Variants in PCNT observed in about 807,000 individuals in gnomAD.
PCNT encodes pericentrin, also known as kendrin.
Under a neutral mutation model 380.4 loss-of-function variants are expected in PCNT, and 319 were observed. The observed-to-expected ratio is 0.84, with a 90% confidence interval of 0.77 to 0.92. The LOEUF (loss-of-function observed/expected upper bound fraction) is 0.92. PCNT is among the 40% of genes least tolerant of loss of function. The probability of loss-of-function intolerance (pLI) is 0.00; values close to 1 mark genes in which losing one functional copy is unlikely to be tolerated. For missense variants in PCNT, 4,400 were observed against 4,255.3 expected (o/e 1.03, Z -0.95); for synonymous variants, 1,845 against 1,735.2 (o/e 1.06, Z -1.57).
chr21:46,388,656 C>T lies in PCNT; in HGVS notation c.3465-86C>T, dbSNP rs1281248092. On this transcript the variant is annotated intron_variant, in intron 17 of 46. Coordinates refer to ENST00000359568, the MANE Select transcript of PCNT (RefSeq NM_006031.6). The surrounding 1 kb of genome is among the most constrained non-coding windows in gnomAD (Gnocchi z 4.2). ...GCAGCCGTGGGCCGAGGTGTGCAAA[C>T]TGGTGGGCGGCCCCTCAGCAGCATC... The T allele has an allele frequency of 1.9e-6, 3 of 1,556,280 alleles. No homozygotes were observed. Among genetic ancestry groups the T allele is most frequent in the Admixed American group, 3.3e-5 (2 of 59,960 alleles).
At chr21:46,374,254 A>G (rs1307329139) in intron 15 of PCNT, among the ~76,000 whole-genome samples, 1 of 152,084 alleles carries the variant, frequency 6.6e-6, no homozygotes, top group Non-Finnish European at 1.5e-5. Flanking sequence ...TTAGAAGCAA[A>G]TCCAAGACAC....
At chr21:46,349,629 G>A (rs1159114762) in intron 7 of PCNT, 55 bp from the exon 8 acceptor site, 30 of 1,578,084 alleles carry the variant, frequency 1.9e-5, no homozygotes, top group Non-Finnish European at 1.9e-5. Flanking sequence ...CACTGAGGTC[G>A]CTGTTGAGGA....
chr21:46,444,554 C>T (rs1300254242), intron 45 of PCNT, 140 bp from the exon 46 acceptor site: 4 of 820,106 alleles, frequency 4.9e-6, no homozygotes, highest in African/African-American at 3.4e-5. Flanking sequence ...AAGGAAACGG[C>T]CCCAGAGTCA....
rs367720344 is a variant in PCNT, at chr21:46,353,995, G to T, written c.1688G>T (p.Cys563Phe). The T allele has an allele frequency of 1.2e-6, 2 of 1,613,748 alleles. No homozygotes were observed. Among genetic ancestry groups the T allele is most frequent in the Non-Finnish European group, 1.7e-6 (2 of 1,179,628 alleles). ...AAATGTTTTCCCTTCAGGTTGTCCT[G>T]TGTGGGTTTAGAAGAGAAACCTGAG... is the stretch of plus-strand genomic sequence containing the variant. ...LLDSVEVGLS[C>F]VGLEEKPEKG... The change falls in exon 11 of 47, where the codon TGT becomes TTT. Residue 563 changes from cysteine to phenylalanine, a missense_variant. By Grantham distance (205) the Cys-to-Phe change is radical (BLOSUM62 -2). Transcript: ENST00000359568.
Position 46,432,119 on chromosome 21 carries a change from A to G in PCNT, c.8655A>G (p.Gln2885=). ...AGTCACACCCACGGTTGAAAGAGCA[A>G]GAAGGACGCAAGGCTGCGAGGAGGA... ...LEQSHPRLKE[Q]EGRKAARRSA... Residue 2885 remains glutamine, a synonymous_variant, in exon 38 of 47, where the codon CAA becomes CAG. Coordinates refer to ENST00000359568, the MANE Select transcript of PCNT (RefSeq NM_006031.6). 2.5e-6 allele frequency: 4 copies of G among 1,614,118 alleles called. No individual in the cohort carries two copies. The highest frequency in any genetic ancestry group is 2.2e-5 in the East Asian group (1 of 44,892).
rs757706194 is a variant in PCNT at position 46,438,345 on chromosome 21, T to G, written c.9273+8T>G. 1 of 1,613,316 alleles carries G rather than the reference T, an allele frequency of 6.2e-7. No individual in the cohort carries two copies. The highest frequency in any genetic ancestry group is 8.5e-7 in the Non-Finnish European group (1 of 1,179,424). ...AAGGGCTGCAGCCCAAGCGTAGGTG[T>G]CTGTGCTTAACTCTTACCTGCCTCA... On this transcript the variant is annotated splice_region_variant and intron_variant, in intron 41 of 46. Transcript: ENST00000359568.
intron 35 of PCNT, 150 bp from the exon 36 acceptor site, chr21:46,429,860 A>G (rs1048688571): frequency 1.2e-5 from 8 of 658,600 alleles, no homozygotes; most frequent in Non-Finnish European, 2.2e-5. Flanking sequence ...TCCTGGTTCC[A>G]CCCGCAGTGA....
chr21:46,346,933 A>G lies in PCNT; in HGVS notation c.911A>G (p.Glu304Gly), dbSNP rs369273213. The G allele has an allele frequency of 6.3e-7, 1 of 1,599,158 alleles. No homozygotes were observed. Among genetic ancestry groups the G allele is most frequent in the Non-Finnish European group, 8.5e-7 (1 of 1,174,476 alleles). The change falls in exon 5 of 47, where the codon GAG becomes GGG. Residue 304 changes from glutamate to glycine, a missense_variant. By Grantham distance (98) the Glu-to-Gly change is moderately conservative. Transcript: ENST00000359568. ...CAGAGCAGGCAGCAGCACGAGCTGG[A>G]GCTCCTCAGGGAGCAGCACGCACGG... Reference protein sequence around the residue: ...LLQSRQQHELELLREQHAREK... With the variant: ...LLQSRQQHELGLLREQHAREK...
intron 9 of PCNT, among the ~76,000 whole-genome samples, 164 bp from the exon 10 acceptor site, chr21:46,352,940 C>T (rs1487193696): frequency 6.6e-6 from 1 of 152,206 alleles, no homozygotes; most frequent in Non-Finnish European, 1.5e-5. Flanking sequence ...CATTCAGGGG[C>T]GTACGAGAGT....
chr21:46,369,481 C>T (rs1157054535), intron 15 of PCNT, among the ~76,000 whole-genome samples: 5 of 152,256 alleles, frequency 3.3e-5, no homozygotes, highest in Non-Finnish European at 7.3e-5. Context: ...CCTCAGATGC[C>T]AGCTTCAGTT....
intron 31 of PCNT, 143 bp from the exon 32 acceptor site, chr21:46,421,827 A>G: frequency 1.1e-6 from 1 of 904,794 alleles, no homozygotes; most frequent in Non-Finnish European, 1.7e-6. Context: ...TGGGGCCATC[A>G]GTGTTTTCTC....
intron 29 of PCNT, among the ~76,000 whole-genome samples, chr21:46,413,469 G>A (rs149757932): frequency 2.0e-4 from 31 of 152,360 alleles, no homozygotes; most frequent in Admixed American, 1.1e-3. Context: ...GTCCGTGCCT[G>A]CAGTGACATG....
chr21:46,437,434 G>T (rs2053491864), intron 40 of PCNT, among the ~76,000 whole-genome samples: 1 of 152,248 alleles, frequency 6.6e-6, no homozygotes, highest in Non-Finnish European at 1.5e-5. Flanking sequence ...TGGACACATT[G>T]CAGGTCGCTG....
chr21:46,436,081 G>T lies in PCNT; in HGVS notation c.8929G>T (p.Ala2977Ser). ...CCGGGAACAGCAGCGAGAGCTGGAG[G>T]CGATGAGGCAGCGGCTGCTCTCTGC... ...HLREQQRELE[A>S]MRQRLLSAAR... Residue 2977 changes from alanine (A) to serine (S), a missense_variant, in exon 39 of 47, where the codon GCG becomes TCG. By Grantham distance (99) the Ala-to-Ser change is moderately conservative. Transcript: ENST00000359568. 6.2e-7 allele frequency: 1 copy of T among 1,612,890 alleles called. No individual in the cohort carries two copies. The highest frequency in any genetic ancestry group is 8.5e-7 in the Non-Finnish European group (1 of 1,179,944).
rs141583342 is a variant in PCNT at position 46,428,355 on chromosome 21, CT to C, written c.7495-39del. 4.5e-4 allele frequency: 717 copies of C among 1,584,452 alleles called. 5 individuals carry two copies. The African/African-American group carries it at 8.6e-3, about 19-fold the overall frequency. On this transcript the variant is annotated intron_variant, in intron 34 of 46. Transcript: ENST00000359568. ...CAGGGAAGGCCGGGGCATGGGGTGG[CT>C]GCCCAATGCTCAGGCTGCTTGTCCC... is the stretch of plus-strand genomic sequence containing the variant.
chr21:46,401,627 G>A lies in PCNT; in HGVS notation c.4868G>A (p.Gly1623Asp), dbSNP rs145095275. ...ASTLQSTLDA[G>D]RCPEPPSGSP... ...ACGTTGCAGTCTACACTAGATGCAGGCAGATGTCCCGAGCCTCCTTCGGGC... is the reference window on the plus strand; with the variant it reads ...ACGTTGCAGTCTACACTAGATGCAGACAGATGTCCCGAGCCTCCTTCGGGC... Residue 1623 changes from glycine to aspartate, a missense_variant, in exon 26 of 47, where the codon GGC (glycine) becomes GAC (aspartate). By Grantham distance (94) the Gly-to-Asp change is moderately conservative. Coordinates refer to ENST00000359568, the MANE Select transcript of PCNT (RefSeq NM_006031.6). 1.2e-6 allele frequency: 2 copies of A among 1,614,012 alleles called. No individual in the cohort carries two copies. The highest frequency in any genetic ancestry group is 2.2e-5 in the South Asian group (2 of 91,082).
chr21:46,410,687 GAGTGGC>G (rs1001973940), intron 27 of PCNT, among the ~76,000 whole-genome samples: 4 of 152,170 alleles, frequency 2.6e-5, no homozygotes, highest in Admixed American at 6.5e-5. Flanking sequence ...TGGTGTCACC[GAGTGGC>G]AGTGGCAGAG....
intron 27 of PCNT, among the ~76,000 whole-genome samples, chr21:46,403,893 C>T (rs1206900925): frequency 7.4e-6 from 1 of 135,152 alleles, no homozygotes; most frequent in Non-Finnish European, 1.6e-5. Flanking sequence ...TGAATGAACA[C>T]AGCGTGGGAG....
At chr21:46,442,874 T>C (rs982656934) in intron 44 of PCNT, 5 of 438,648 alleles carry the variant, frequency 1.1e-5, no homozygotes, top group African/African-American at 1.0e-4. Flanking sequence ...ATTCCTTAAA[T>C]CAACTGAAAC....
Sources: allele counts gnomAD v4.1 joint callset (sites outside exome capture counted in the v4.1 genomes callset), GRCh38; gene constraint gnomAD v4.1.1; non-coding constraint Gnocchi (gnomAD v3.1); transcripts MANE v1.5; gene names NCBI Gene and HGNC (gene_info 2026-07-23, HGNC 2026-07-21).